Variants in PAM observed in about 807,000 individuals in gnomAD.
PAM encodes the protein peptidylglycine alpha-amidating monooxygenase, also known as peptidyl-glycine alpha-amidating monooxygenase.
A neutral mutation model predicts 122.1 loss-of-function variants in PAM; 72 were observed. The observed-to-expected ratio is 0.59, with a 90% confidence interval of 0.49 to 0.72. The LOEUF (loss-of-function observed/expected upper bound fraction) is 0.72. Among genes scored for constraint, PAM ranks in the 30% least tolerant of loss-of-function variants. The pLI, the probability that PAM is intolerant of heterozygous loss-of-function variation, is 0.00. For synonymous variants in PAM, 389 were observed against 404.4 expected (o/e 0.96, Z 0.46); for missense variants, 1,106 against 1,183.7 (o/e 0.93, Z 0.96).
At chr5:102,803,151 AAGGAAGGAAGG>A (rs1765271971) in intron 1 of PAM, among the ~76,000 whole-genome samples, 1 of 6,388 alleles carries the variant, frequency 1.6e-4, no homozygotes, top group Admixed American at 2.1e-3. Flanking sequence ...GAAAGAAAGG[AAGGAAGGAAGG>A]AAGGAAGGAA....
intron 7 of PAM, among the ~76,000 whole-genome samples, chr5:102,943,281 A>C (rs960809487): frequency 6.6e-6 from 1 of 152,194 alleles, no homozygotes; most frequent in Non-Finnish European, 1.5e-5. Flanking sequence ...AAGATGTAGT[A>C]GGTTATTATC....
chr5:102,861,623 T>C (rs1436349125), intron 1 of PAM, among the ~76,000 whole-genome samples: 1 of 152,170 alleles, frequency 6.6e-6, no homozygotes, highest in Non-Finnish European at 1.5e-5. Context: ...TGGGCAAAGT[T>C]TGGAACCTGA....
chr5:103,028,839 C>A, intron 25 of PAM, 48 bp from the exon 26 acceptor site: 1 of 1,048,718 alleles, frequency 9.5e-7, no homozygotes, highest in Non-Finnish European at 1.3e-6. Context: ...AGGTAACAGA[C>A]ATTGCTGCAA....
intron 7 of PAM, among the ~76,000 whole-genome samples, chr5:102,934,108 G>A (rs550577411): frequency 1.8e-4 from 27 of 152,184 alleles, no homozygotes; most frequent in Admixed American, 1.4e-3. Context: ...AGAGTATTTC[G>A]GAATACTTTC....
At chr5:102,817,878 T>A (rs926697075) in intron 1 of PAM, among the ~76,000 whole-genome samples, 1 of 151,988 alleles carries the variant, frequency 6.6e-6, no homozygotes, top group African/African-American at 2.4e-5. Flanking sequence ...AAGCCAAACA[T>A]ATTTCCATGT....
intron 7 of PAM, among the ~76,000 whole-genome samples, chr5:102,945,656 C>A (rs77512519): frequency 6.6e-6 from 1 of 151,858 alleles, no homozygotes; most frequent in Non-Finnish European, 1.5e-5. Context: ...TCTTCTCCCC[C>A]CCTCTCTCCT....
chr5:102,844,394 CT>C (rs1423229882), intron 1 of PAM, among the ~76,000 whole-genome samples: 20 of 152,074 alleles, frequency 1.3e-4, no homozygotes, highest in African/African-American at 4.3e-4. Flanking sequence ...CTACAATGAT[CT>C]AAAACATGCC....
intron 5 of PAM, among the ~76,000 whole-genome samples, chr5:102,917,365 A>C (rs974359771): frequency 2.6e-5 from 4 of 152,152 alleles, no homozygotes; most frequent in African/African-American, 9.7e-5. Flanking sequence ...ATAGTTGCAA[A>C]TCTATTCTTC....
intron 16 of PAM, among the ~76,000 whole-genome samples, chr5:102,999,848 C>A (rs1582747818): frequency 6.6e-6 from 1 of 152,210 alleles, no homozygotes; most frequent in East Asian, 1.9e-4. Flanking sequence ...CTAGCCAAAC[C>A]ATTTTTTCCT....
chr5:102,974,393 GCC>G lies in PAM; in HGVS notation c.1444_1445del (p.Pro482ThrfsTer3). On this transcript the variant is annotated frameshift_variant, in exon 15 of 26. Coordinates refer to ENST00000438793, the MANE Select transcript of PAM (RefSeq NM_001177306.2). LOFTEE classifies it high-confidence loss of function. ...AGAGCAGAGTTTTCTCATTACAGCA[GCC>G]CCCACCTGGTGAAGGCACCTGGGAA... Reference protein sequence around the residue: ...PESRVFSLQQPPPGEGTWEPE... With the variant: ...PESRVFSLQQXPPGEGTWEPE... The G allele has an allele frequency of 6.2e-7, 1 of 1,613,792 alleles. No individual in the cohort carries two copies. The highest frequency in any genetic ancestry group is 1.1e-5 in the South Asian group (1 of 91,064).
At chr5:102,881,882 T>G (rs1051958645) in intron 3 of PAM, among the ~76,000 whole-genome samples, 4 of 147,728 alleles carry the variant, frequency 2.7e-5, no homozygotes, top group African/African-American at 7.9e-5. Context: ...ATCATTCTTA[T>G]GCCTTTGCAT....
At chr5:102,883,214 T>A (rs1299179593) in intron 3 of PAM, among the ~76,000 whole-genome samples, 2 of 152,018 alleles carry the variant, frequency 1.3e-5, no homozygotes, top group Non-Finnish European at 2.9e-5. Flanking sequence ...CTTTTTTGGT[T>A]CCATATGAGT....
At chr5:102,898,140 G>C (rs1390742841) in intron 3 of PAM, among the ~76,000 whole-genome samples, 1 of 151,472 alleles carries the variant, frequency 6.6e-6, no homozygotes, top group African/African-American at 2.4e-5. Flanking sequence ...GTTCCCAGTA[G>C]CATCAGTAAA....
chr5:102,867,147 C>G (rs1418079273), intron 2 of PAM, 126 bp from the exon 3 acceptor site: 1 of 605,876 alleles, frequency 1.7e-6, no homozygotes, highest in East Asian at 2.7e-5. Flanking sequence ...GTCATCACAT[C>G]TTTAGAGTTT....
chr5:103,012,222 A>G (rs1279898621), intron 21 of PAM, among the ~76,000 whole-genome samples: 1 of 151,960 alleles, frequency 6.6e-6, no homozygotes, highest in Non-Finnish European at 1.5e-5. Flanking sequence ...TTGTCTCTTC[A>G]CGTGGTTGAT....
chr5:103,012,855 C>CA (rs777801743), intron 21 of PAM, among the ~76,000 whole-genome samples: 3,979 of 100,458 alleles, frequency 0.04, 118 homozygotes, highest in African/African-American at 0.094. Flanking sequence ...GACTCTGCCT[C>CA]AAAAAAAAAA....
intron 17 of PAM, among the ~76,000 whole-genome samples, chr5:103,003,397 G>C (rs1777989520): frequency 6.6e-6 from 1 of 152,098 alleles, no homozygotes; most frequent in Non-Finnish European, 1.5e-5. Context: ...TTTCTTCTGA[G>C]AACTGTCTGT....
intron 15 of PAM, among the ~76,000 whole-genome samples, chr5:102,984,734 T>C (rs1404333334): frequency 6.6e-6 from 1 of 152,138 alleles, no homozygotes; most frequent in African/African-American, 2.4e-5. Flanking sequence ...CAAATTGGCC[T>C]AACAGACATT....
At chr5:102,941,909 ATAGAG>A (rs1755382839) in intron 7 of PAM, among the ~76,000 whole-genome samples, 1 of 151,336 alleles carries the variant, frequency 6.6e-6, no homozygotes, top group African/African-American at 2.4e-5. Flanking sequence ...AACGTCTCTA[ATAGAG>A]CCCAGAGTGA....
Sources: gnomAD v4.1 joint callset for allele counts (sites outside exome capture counted in the v4.1 genomes callset) on GRCh38, gnomAD v4.1.1 for gene constraint, MANE v1.5 for transcripts, NCBI Gene and HGNC (gene_info 2026-07-23, HGNC 2026-07-21) for gene names.